Variants in KHDRBS2 observed in about 807,000 individuals in gnomAD.
The protein encoded by KHDRBS2 is KH domain-containing, RNA-binding, signal transduction-associated protein 2.
KHDRBS2 carries 26 observed loss-of-function variants against 44.3 expected under a neutral mutation model. The ratio of observed to expected loss-of-function variants is 0.59; its 90% confidence interval spans 0.43 to 0.81. The LOEUF is 0.81. Among genes scored for constraint, KHDRBS2 ranks in the 40% least tolerant of loss-of-function variants. The probability of loss-of-function intolerance (pLI) is 0.00; values close to 1 mark genes in which losing one functional copy is unlikely to be tolerated. For missense variants in KHDRBS2, 476 were observed against 433.1 expected, an observed-to-expected ratio of 1.10 and a Z score of -0.88; for synonymous variants, 194 against 151.1, an observed-to-expected ratio of 1.28 and a Z score of -2.08.
chr6:62,100,716 A>T (rs1801673160), intron 2 of KHDRBS2, among the ~76,000 whole-genome samples: 1 of 152,182 alleles, frequency 6.6e-6, no homozygotes, highest in African/African-American at 2.4e-5. Context: ...ACATATGTAC[A>T]TTTTTTAGAA....
chr6:61,681,178 A>G, intron 8 of KHDRBS2, 118 bp from the exon 9 acceptor site: 3 of 676,052 alleles, frequency 4.4e-6, no homozygotes, highest in Non-Finnish European at 7.8e-6. Flanking sequence ...ACCGAACGCT[A>G]AAGCCTATTT....
At chr6:61,561,450 C>T in the KHDRBS2 span, among the ~76,000 whole-genome samples, 2 of 152,132 alleles carry the variant, frequency 1.3e-5, no homozygotes, top group Non-Finnish European at 2.9e-5. Context: ...TTTTCCTGGG[C>T]CACAGGCAAG....
At chr6:61,803,689 T>C (rs1305100212) in intron 6 of KHDRBS2, among the ~76,000 whole-genome samples, 1 of 152,054 alleles carries the variant, frequency 6.6e-6, no homozygotes, top group African/African-American at 2.4e-5. Context: ...AAGAAAAAGG[T>C]TTAACTCACA....
rs925740911 is a variant in KHDRBS2 at position 62,077,809 on chromosome 6, G to T, written c.220-29815C>A. Among the ~76,000 whole-genome samples the T allele has an allele frequency of 7.2e-5, 11 of 152,124 alleles. No individual in the cohort carries two copies. In the South Asian group the frequency reaches 8.3e-4, roughly 11 times the overall value. On this transcript the variant is annotated intron_variant, in intron 2 of 8. Coordinates refer to ENST00000281156, the MANE Select transcript of KHDRBS2 (RefSeq NM_152688.4). ...ACTCTGTTAATTAAACTGAAGGAAA[G>T]AATTAATTGATAAATGAATAAGAAA...
At chr6:62,049,624 T>C (rs1788534343) in intron 2 of KHDRBS2, among the ~76,000 whole-genome samples, 1 of 152,084 alleles carries the variant, frequency 6.6e-6, no homozygotes, top group African/African-American at 2.4e-5. Context: ...ATTTCTTTTC[T>C]CTTGTAAATT....
In KHDRBS2 at chr6:61,771,167, A is replaced by C. The variant is rs1472375695; in HGVS notation, c.811-38403T>G. On this transcript the variant is annotated intron_variant, in intron 6 of 8. Coordinates refer to ENST00000281156, the MANE Select transcript of KHDRBS2 (RefSeq NM_152688.4). ...ATTTTGTCACCACCAGGCCTGCCCT[A>C]AAAGAACTCCTGAAGGAAGCACTAA... Among the ~76,000 whole-genome samples, 4 of 152,218 alleles carry C rather than the reference A, an allele frequency of 2.6e-5. No individual in the cohort carries two copies. In the East Asian group the frequency reaches 7.7e-4, roughly 29 times the overall value.
At chr6:61,853,745 T>C (rs1795784324) in intron 6 of KHDRBS2, among the ~76,000 whole-genome samples, 1 of 152,222 alleles carries the variant, frequency 6.6e-6, no homozygotes, top group African/African-American at 2.4e-5. Context: ...CTCTTTCACA[T>C]GAAAAATCAA....
intron 6 of KHDRBS2, among the ~76,000 whole-genome samples, chr6:61,745,148 C>T (rs1248419176): frequency 6.6e-6 from 1 of 152,052 alleles, no homozygotes; most frequent in East Asian, 1.9e-4. Context: ...AAAAATAATA[C>T]AACTTGGCGC....
chr6:61,814,219 C>G (rs186538578), intron 6 of KHDRBS2, among the ~76,000 whole-genome samples: 6 of 152,144 alleles, frequency 3.9e-5, no homozygotes, highest in Middle Eastern at 3.2e-3. Flanking sequence ...GAACTTTGAG[C>G]TGCTGCTCTC....
chr6:62,088,564 T>A (rs1798864646), intron 2 of KHDRBS2, among the ~76,000 whole-genome samples: 2 of 152,144 alleles, frequency 1.3e-5, no homozygotes, highest in Non-Finnish European at 2.9e-5. Context: ...GCCTGTTCCT[T>A]CCTCTGGAAG....
At position 62,267,824 on chromosome 6, in the gene KHDRBS2, A is replaced by T. The variant is rs569444946; in HGVS notation, c.91+18034T>A. On this transcript the variant is annotated intron_variant, in intron 1 of 8. Transcript: ENST00000281156. ...ATCTATCAACTACTACTTAATATCA[A>T]ATCATACATTCATACACAAAATATT... Among the ~76,000 whole-genome samples the T allele has an allele frequency of 6.4e-4, 98 of 152,192 alleles. 1 individual carries two copies. Among genetic ancestry groups the T allele is most frequent in the African/African-American group, 2.2e-3 (93 of 41,554 alleles).
the KHDRBS2 span, among the ~76,000 whole-genome samples, chr6:61,616,533 A>T: frequency 8.6e-5 from 13 of 150,714 alleles, no homozygotes; most frequent in East Asian, 5.8e-4. Flanking sequence ...AATAACATAA[A>T]TTTTTTTAAA....
intron 1 of KHDRBS2, among the ~76,000 whole-genome samples, chr6:62,284,024 G>T (rs1368174948): frequency 6.6e-6 from 1 of 151,980 alleles, no homozygotes. Context: ...CCCCTGCTGG[G>T]AAAAAATCAA....
intron 6 of KHDRBS2, among the ~76,000 whole-genome samples, chr6:61,818,439 G>C (rs555358906): frequency 2.0e-5 from 3 of 152,026 alleles, no homozygotes; most frequent in East Asian, 3.9e-4. Flanking sequence ...AAAAAATTGG[G>C]AGTGTTAATT....
chr6:61,815,703 C>T (rs1487626166), intron 6 of KHDRBS2, among the ~76,000 whole-genome samples: 1 of 152,132 alleles, frequency 6.6e-6, no homozygotes, highest in Non-Finnish European at 1.5e-5. Flanking sequence ...TTTGTCCTTG[C>T]TTTTAATGAA....
chr6:61,992,401 T>C (rs1201932648), intron 3 of KHDRBS2, among the ~76,000 whole-genome samples: 1 of 152,158 alleles, frequency 6.6e-6, no homozygotes, highest in African/African-American at 2.4e-5. Context: ...AAGGTTCAGA[T>C]TGAATATATT....
chr6:61,573,421 AC>A, the KHDRBS2 span, among the ~76,000 whole-genome samples: 2 of 152,108 alleles, frequency 1.3e-5, no homozygotes, highest in Non-Finnish European at 2.9e-5. Context: ...TCACTGCAAT[AC>A]CATCAAAGTA....
the KHDRBS2 span, among the ~76,000 whole-genome samples, chr6:61,632,065 C>T: frequency 1.3e-5 from 2 of 152,226 alleles, no homozygotes; most frequent in South Asian, 2.1e-4. Context: ...CTTACATGCC[C>T]TTTATCCTTT....
At chr6:61,655,501 C>T in the KHDRBS2 span, among the ~76,000 whole-genome samples, 4 of 152,114 alleles carry the variant, frequency 2.6e-5, no homozygotes, top group South Asian at 2.1e-4. Flanking sequence ...GTGATCCATC[C>T]GCCTTGGTCT....
Sources: allele counts gnomAD v4.1 joint callset (sites outside exome capture counted in the v4.1 genomes callset), GRCh38; gene constraint gnomAD v4.1.1; transcripts MANE v1.5; gene names NCBI Gene and HGNC (gene_info 2026-07-23, HGNC 2026-07-21).